PFKFB3: variants seen among roughly 807,000 people sequenced by gnomAD.
PFKFB3 encodes 6-phosphofructo-2-kinase/fructose-2,6-bisphosphatase 3.
In PFKFB3, 33 loss-of-function variants were observed where a neutral mutation model predicts 68.0. That is an observed-to-expected ratio of 0.49 (90% CI 0.37 to 0.65). PFKFB3 has a LOEUF of 0.65. PFKFB3 is among the 30% of genes least tolerant of loss of function. The pLI is 0.00. For missense variants in PFKFB3, 586 were observed against 712.2 expected (o/e 0.82, Z 2.02); for synonymous variants, 315 against 288.2 (o/e 1.09, Z -0.94).
the PFKFB3 span, among the ~76,000 whole-genome samples, chr10:6,273,237 C>A: frequency 6.6e-6 from 1 of 151,922 alleles, no homozygotes; most frequent in Non-Finnish European, 1.5e-5. Context: ...GATCCATATT[C>A]TCATGATGGC....
intron 10 of PFKFB3, among the ~76,000 whole-genome samples, chr10:6,221,996 TG>T (rs2131987780): frequency 6.6e-6 from 1 of 152,046 alleles, no homozygotes; most frequent in East Asian, 1.9e-4. Flanking sequence ...AGGTGGTGTG[TG>T]AAGGTCCACT....
intron 14 of PFKFB3, among the ~76,000 whole-genome samples, chr10:6,231,046 C>G (rs1308609960): frequency 1.3e-5 from 2 of 152,022 alleles, no homozygotes; most frequent in Non-Finnish European, 2.9e-5. Flanking sequence ...TCTTGGTTTC[C>G]CAGTAAGATG....
intron 1 of PFKFB3, among the ~76,000 whole-genome samples, chr10:6,193,642 G>C (rs1223504666): frequency 6.6e-6 from 1 of 152,174 alleles, no homozygotes; most frequent in Non-Finnish European, 1.5e-5. Context: ...GGGTGCAGGC[G>C]GGCTGAGTCC....
At position 6,233,502 on chromosome 10, in the gene PFKFB3, C is replaced by T. The variant is rs1588552835; in HGVS notation, c.*560C>T. On this transcript the variant is annotated 3_prime_UTR_variant, in exon 15 of 15. Transcript: ENST00000379775. Reference sequence around the variant, plus strand: ...GTTGAGGCCTCTTCTGCAGGAAGTCCCTGAGCTGAGACGCAAGTTGGCTGG... The same window carrying T: ...GTTGAGGCCTCTTCTGCAGGAAGTCTCTGAGCTGAGACGCAAGTTGGCTGG... 6.5e-6 allele frequency: 1 copy of T among 152,712 alleles called. No homozygotes were observed. The highest frequency in any genetic ancestry group is 1.9e-4 in the East Asian group (1 of 5,322). 9.5% of individuals were successfully genotyped at this position (152,712 alleles called of 1,614,324 possible).
At chr10:6,316,491 C>CT in the PFKFB3 span, among the ~76,000 whole-genome samples, 1 of 152,000 alleles carries the variant, frequency 6.6e-6, no homozygotes, top group Non-Finnish European at 1.5e-5. Flanking sequence ...CTTTCCTTTT[C>CT]TTTTTTTGAC....
chr10:6,258,391 G>C (rs866030034), downstream of PFKFB3, among the ~76,000 whole-genome samples: 29 of 152,212 alleles, frequency 1.9e-4, no homozygotes, highest in Admixed American at 4.6e-4. Context: ...CAAGGCCTCT[G>C]CCATACAGCA....
chr10:6,182,936 C>T (rs990211359), intron 1 of PFKFB3, among the ~76,000 whole-genome samples: 10 of 152,150 alleles, frequency 6.6e-5, no homozygotes, highest in African/African-American at 2.2e-4. Flanking sequence ...ACTATGGGGC[C>T]CCACAGACCC....
the PFKFB3 span, among the ~76,000 whole-genome samples, chr10:6,274,512 G>A: frequency 1.3e-4 from 20 of 152,286 alleles, no homozygotes; most frequent in East Asian, 2.9e-3. Flanking sequence ...GAAAACAACC[G>A]TAATTTCACA....
At chr10:6,318,372 C>T in the PFKFB3 span, among the ~76,000 whole-genome samples, 1 of 152,190 alleles carries the variant, frequency 6.6e-6, no homozygotes, top group Non-Finnish European at 1.5e-5. Context: ...AGCCCCATGA[C>T]GGCCTTGCAT....
chr10:6,231,404 C>A, intron 14 of PFKFB3: 2 of 1,585,696 alleles, frequency 1.3e-6, no homozygotes, highest in South Asian at 2.3e-5. Context: ...ATGCGGGGCT[C>A]ATCTGTCTCC....
chr10:6,277,754 TA>T, the PFKFB3 span: 2 of 428,472 alleles, frequency 4.7e-6, no homozygotes, highest in East Asian at 8.0e-5. Flanking sequence ...CTGTACAGCC[TA>T]AGGAACTATG....
chr10:6,280,984 T>C, the PFKFB3 span, among the ~76,000 whole-genome samples: 2 of 150,672 alleles, frequency 1.3e-5, no homozygotes. Context: ...GTCCCCAAAG[T>C]CCATTGTATC....
At chr10:6,227,085 CAA>C (rs1042189880) in intron 14 of PFKFB3, among the ~76,000 whole-genome samples, 4 of 136,286 alleles carry the variant, frequency 2.9e-5, no homozygotes, top group Admixed American at 7.4e-5. Flanking sequence ...GACTCCGTCT[CAA>C]AAAAAAAAAG....
the PFKFB3 span, among the ~76,000 whole-genome samples, chr10:6,290,624 G>C: frequency 6.6e-6 from 1 of 151,222 alleles, no homozygotes; most frequent in Non-Finnish European, 1.5e-5. Flanking sequence ...TCAGCCTCCT[G>C]AGTAGCTGGG....
chr10:6,230,255 G>A (rs1396458082), intron 14 of PFKFB3, among the ~76,000 whole-genome samples: 1 of 152,068 alleles, frequency 6.6e-6, no homozygotes, highest in Non-Finnish European at 1.5e-5. Flanking sequence ...TCCTGGGTGC[G>A]TGACCCCACA....
chr10:6,210,412 G>C lies in PFKFB3; in HGVS notation c.77-3211G>C, dbSNP rs1295788829. On this transcript the variant is annotated intron_variant, in intron 1 of 14. Coordinates refer to ENST00000379775, the MANE Select transcript of PFKFB3 (RefSeq NM_004566.4). ...GTTTCGCTCTGTCACCCAGGCTGGA[G>C]TGCAGTGGCGCTATCTCGGCTCACT... Among the ~76,000 whole-genome samples the C allele has an allele frequency of 1.0e-4, 10 of 99,274 alleles. 1 individual carries two copies. The highest frequency in any genetic ancestry group is 2.0e-4 in the Non-Finnish European group (8 of 40,900). The allele number at this position is 99,274 out of a possible 152,430, so 65.1% of individuals were successfully genotyped here. A position where few individuals can be genotyped will look rare whatever the true frequency, so the allele number is the denominator to read the frequency against.
At chr10:6,185,216 C>T (rs941523401) in intron 1 of PFKFB3, among the ~76,000 whole-genome samples, 11 of 152,182 alleles carry the variant, frequency 7.2e-5, no homozygotes, top group African/African-American at 2.7e-4. Flanking sequence ...CTCTGCTCCT[C>T]TCCTTTGATC....
the PFKFB3 span, among the ~76,000 whole-genome samples, chr10:6,302,115 C>T: frequency 2.7e-5 from 4 of 147,422 alleles, no homozygotes; most frequent in African/African-American, 1.0e-4. Context: ...AGTGCAGTGG[C>T]ATGATTTTGG....
the PFKFB3 span, among the ~76,000 whole-genome samples, chr10:6,311,824 T>C: frequency 3.1e-4 from 47 of 152,196 alleles, no homozygotes; most frequent in African/African-American, 1.1e-3. Context: ...GTAATACCAC[T>C]GGAGTTGCCT....
Sources: gnomAD v4.1 joint callset for allele counts (sites outside exome capture counted in the v4.1 genomes callset) on GRCh38, gnomAD v4.1.1 for gene constraint, MANE v1.5 for transcripts, NCBI Gene and HGNC (gene_info 2026-07-23, HGNC 2026-07-21) for gene names.